Variants in BFSP2 observed in about 807,000 individuals in gnomAD.
BFSP2 encodes the protein phakinin.
Under a neutral mutation model 44.9 loss-of-function variants are expected in BFSP2, and 38 were observed. That is an observed-to-expected ratio of 0.85 (90% CI 0.65 to 1.11). The LOEUF (loss-of-function observed/expected upper bound fraction) is 1.11, where lower values mean the gene tolerates loss of function less well. Among genes scored for constraint, BFSP2 ranks in the 50% least tolerant of loss-of-function variants. The probability of loss-of-function intolerance (pLI) is 0.00; values close to 1 mark genes in which losing one functional copy is unlikely to be tolerated. For synonymous variants in BFSP2, 197 were observed against 209.9 expected (o/e 0.94, Z 0.53); for missense variants, 525 against 533.0 (o/e 0.99, Z 0.15).
At chr3:133,448,725 A>C (rs748196534) in intron 3 of BFSP2, 80 bp downstream of exon 3, 6 of 1,531,170 alleles carry the variant, frequency 3.9e-6, no homozygotes, top group Non-Finnish European at 5.4e-6. Flanking sequence ...TAACAAGGCC[A>C]CAGTAGCTCA....
chr3:133,454,897 T>G (rs1377256756), intron 4 of BFSP2, among the ~76,000 whole-genome samples: 1 of 152,232 alleles, frequency 6.6e-6, no homozygotes, highest in African/African-American at 2.4e-5. Context: ...TTTTTTAACC[T>G]TTTAAACTTT....
At chr3:133,412,816 A>C (rs1207083241) in intron 1 of BFSP2, among the ~76,000 whole-genome samples, 4 of 152,082 alleles carry the variant, frequency 2.6e-5, no homozygotes, top group Non-Finnish European at 5.9e-5. Flanking sequence ...TCAATTCAGA[A>C]CTCCAGCTCA....
intron 2 of BFSP2, among the ~76,000 whole-genome samples, chr3:133,447,954 C>T (rs1421493853): frequency 1.3e-5 from 2 of 152,206 alleles, no homozygotes; most frequent in Non-Finnish European, 2.9e-5. Context: ...CACCAGGTGA[C>T]TTAATGTGCA....
rs2073913645 is a variant in BFSP2 at position 133,447,419 on chromosome 3, G to C, written c.572+20G>C. ...AGAGAGGTAATGTCTTACAGCAGAG[G>C]CGACAGTCCCTCCACATCCCTAGAC... On this transcript the variant is annotated intron_variant, in intron 2 of 6. Coordinates refer to ENST00000302334, the MANE Select transcript of BFSP2 (RefSeq NM_003571.4). The C allele has an allele frequency of 3.7e-6, 6 of 1,610,620 alleles. No individual in the cohort carries two copies. In the African/African-American group the frequency reaches 6.7e-5, roughly 18 times the overall value.
chr3:133,472,381 C>A lies in BFSP2; in HGVS notation c.1060C>A (p.His354Asn), dbSNP rs772591984. 6.2e-7 allele frequency: 1 copy of A among 1,613,886 alleles called. No individual in the cohort carries two copies. Among genetic ancestry groups the A allele is most frequent in the East Asian group, 2.2e-5 (1 of 44,882 alleles). Residue 354 changes from histidine to asparagine, a missense_variant, in exon 6 of 7, where the codon CAC becomes AAC. Transcript: ENST00000302334. ...GLENTLHDAK[H>N]WHDMELQNLG... The stretch of plus-strand genomic sequence containing the variant: ...GGAGAACACCTTGCACGATGCCAAG[C>A]ACTGGCATGACATGGAGCTCCAGAA...
intron 1 of BFSP2, among the ~76,000 whole-genome samples, chr3:133,436,634 CTAGGGTACCTG>C (rs1482502485): frequency 1.3e-5 from 2 of 152,160 alleles, no homozygotes; most frequent in African/African-American, 4.8e-5. Context: ...ACTTTAAGTT[CTAGGGTACCTG>C]TGCACAACGT....
intron 4 of BFSP2, among the ~76,000 whole-genome samples, chr3:133,461,026 A>G (rs539303800): frequency 2.2e-4 from 33 of 152,290 alleles, no homozygotes; most frequent in African/African-American, 7.5e-4. Context: ...AAGTATCAAC[A>G]TTCTCTCTCC....
intron 1 of BFSP2, among the ~76,000 whole-genome samples, chr3:133,408,100 A>G (rs2073419021): frequency 6.6e-6 from 1 of 152,094 alleles, no homozygotes; most frequent in South Asian, 2.1e-4. Flanking sequence ...ACAAACTAGA[A>G]AAAAAAATGC....
intron 1 of BFSP2, among the ~76,000 whole-genome samples, chr3:133,426,749 C>T (rs2073657625): frequency 6.6e-6 from 1 of 152,222 alleles, no homozygotes; most frequent in Admixed American, 6.5e-5. Flanking sequence ...CTGCAGAGGC[C>T]TCCCTCTTCT....
At chr3:133,471,628 G>A (rs1166433793) in intron 5 of BFSP2, among the ~76,000 whole-genome samples, 4 of 152,154 alleles carry the variant, frequency 2.6e-5, no homozygotes, top group African/African-American at 9.7e-5. Flanking sequence ...GTGGCCTGGA[G>A]ACGACTCATG....
At chr3:133,451,108 C>CT in intron 4 of BFSP2, among the ~76,000 whole-genome samples, 2 of 37,570 alleles carry the variant, frequency 5.3e-5, no homozygotes, top group Admixed American at 6.3e-4. Flanking sequence ...AAGACTCTGT[C>CT]TCAAAAAAAA....
At chr3:133,440,819 G>A (rs972818669) in intron 1 of BFSP2, among the ~76,000 whole-genome samples, 2 of 152,120 alleles carry the variant, frequency 1.3e-5, no homozygotes, top group Non-Finnish European at 1.5e-5. Flanking sequence ...TTCCTTCCCA[G>A]CCACAGCATA....
chr3:133,474,940 G>T, intron 6 of BFSP2, 29 bp from the exon 7 acceptor site: 1 of 1,613,994 alleles, frequency 6.2e-7, no homozygotes, highest in Non-Finnish European at 8.5e-7. Context: ...CTCACCCATT[G>T]CTTCTGACTC....
chr3:133,401,071 G>A (rs918961179), intron 1 of BFSP2, among the ~76,000 whole-genome samples: 1 of 152,180 alleles, frequency 6.6e-6, no homozygotes, highest in Non-Finnish European at 1.5e-5. Context: ...GTGTGTTCCT[G>A]TATCCACCTA....
intron 5 of BFSP2, among the ~76,000 whole-genome samples, chr3:133,472,033 C>T (rs548505654): frequency 2.0e-5 from 3 of 151,840 alleles, no homozygotes; most frequent in African/African-American, 7.3e-5. Context: ...ATCCCTCTTG[C>T]CCCGCTCCTC....
intron 1 of BFSP2, among the ~76,000 whole-genome samples, chr3:133,423,812 T>G (rs1053694552): frequency 3.9e-5 from 6 of 152,068 alleles, no homozygotes; most frequent in Admixed American, 6.5e-5. Flanking sequence ...GGCAAAATGT[T>G]CTTTGTGTCA....
intron 5 of BFSP2, among the ~76,000 whole-genome samples, chr3:133,469,485 G>A (rs2074142886): frequency 6.6e-6 from 1 of 152,244 alleles, no homozygotes; most frequent in Non-Finnish European, 1.5e-5. Flanking sequence ...TCTGTGTCCA[G>A]TCAACTCAAA....
chr3:133,455,067 C>T (rs1444200814), intron 4 of BFSP2, among the ~76,000 whole-genome samples: 1 of 152,236 alleles, frequency 6.6e-6, no homozygotes, highest in Non-Finnish European at 1.5e-5. Flanking sequence ...ACAACAATGC[C>T]TTCTTCTGGA....
At chr3:133,408,634 G>A (rs979804575) in intron 1 of BFSP2, among the ~76,000 whole-genome samples, 1 of 152,214 alleles carries the variant, frequency 6.6e-6, no homozygotes, top group Non-Finnish European at 1.5e-5. Context: ...CCCAGGAGGG[G>A]ACTCGTTGAA....
Sources: allele counts gnomAD v4.1 joint callset (sites outside exome capture counted in the v4.1 genomes callset), GRCh38; gene constraint gnomAD v4.1.1; transcripts MANE v1.5; gene names NCBI Gene and HGNC (gene_info 2026-07-23, HGNC 2026-07-21).